The following NFASC variants were observed in gnomAD, a reference collection of about 807,000 sequenced individuals.
The protein encoded by NFASC is neurofascin.
In NFASC, 43 loss-of-function variants were observed where a neutral mutation model predicts 147.5. The observed-to-expected ratio is 0.29, with a 90% CI of 0.23 to 0.38. NFASC has a LOEUF of 0.38. NFASC is among the 10% of genes least tolerant of loss of function. NFASC has a pLI of 1.00. For synonymous variants in NFASC, 622 were observed against 665.5 expected (o/e 0.93, Z 1.01); for missense variants, 1,320 against 1,689.0 (o/e 0.78, Z 3.83).
chr1:204,974,477 G>C, intron 13 of NFASC, 180 bp from the exon 14 acceptor site: 1 of 851,554 alleles, frequency 1.2e-6, no homozygotes, highest in Non-Finnish European at 1.9e-6. Flanking sequence ...ACCTTGAGAG[G>C]GATGGAGGCT....
chr1:204,844,275 T>C lies in NFASC; in HGVS notation c.-200+15493T>C, dbSNP rs1292067671. On this transcript the variant is annotated intron_variant, in intron 1 of 29. Coordinates refer to ENST00000339876, the MANE Select transcript of NFASC (RefSeq NM_001005388.3). ...CATGGGTTGTTAGGATTAAAATAAG[T>C]AATGCACATGAACCCCTTTGCCTAG... 5.3e-4 allele frequency among the ~76,000 whole-genome samples: 81 copies of C among 152,160 alleles called. 2 individuals are homozygous for C. Among genetic ancestry groups the C allele is most frequent in the Non-Finnish European group, 4.4e-5 (3 of 68,028 alleles).
intron 29 of NFASC, among the ~76,000 whole-genome samples, chr1:205,013,137 T>G (rs1354314257): frequency 3.3e-5 from 5 of 152,244 alleles, no homozygotes; most frequent in Non-Finnish European, 7.3e-5. Context: ...ACGAACAGCA[T>G]TTCATTCATT....
chr1:204,983,888 T>G (rs1458738677), intron 21 of NFASC: 2 of 621,246 alleles, frequency 3.2e-6, no homozygotes, highest in Admixed American at 5.1e-5. Flanking sequence ...AAGTACTGTC[T>G]CATGGAGGAG....
chr1:204,988,696 C>T lies in NFASC; in HGVS notation c.2657C>T (p.Thr886Met), dbSNP rs201599625. 3.2e-5 allele frequency: 52 copies of T among 1,614,072 alleles called. 1 individual carries two copies. In the South Asian group the frequency reaches 4.4e-4, roughly 14 times the overall value. ...TTCTCTCCCAATCAGACCAAGTTCA[C>T]GGTGCAAAGAACGGACCCCGTGTCA... is the stretch of plus-strand genomic sequence containing the variant. The part of the protein sequence containing the change: ...ENFSPNQTKF[T>M]VQRTDPVSRY... Residue 886 changes from threonine to methionine, a missense_variant, in exon 23 of 30, where the codon ACG becomes ATG. By Grantham distance (81) the Thr-to-Met change is moderately conservative. Coordinates refer to ENST00000339876, the MANE Select transcript of NFASC (RefSeq NM_001005388.3).
intron 1 of NFASC, among the ~76,000 whole-genome samples, chr1:204,904,886 A>G (rs1278179019): frequency 6.7e-6 from 1 of 148,670 alleles, no homozygotes; most frequent in African/African-American, 2.5e-5. Context: ...CTATTCATCC[A>G]TCCACCCATC....
At chr1:204,903,793 G>A (rs770534319) in intron 1 of NFASC, among the ~76,000 whole-genome samples, 7 of 152,190 alleles carry the variant, frequency 4.6e-5, no homozygotes, top group Non-Finnish European at 1.0e-4. Context: ...AGCCAGTATG[G>A]TTTTTATTCC....
intron 23 of NFASC, among the ~76,000 whole-genome samples, chr1:204,991,034 G>A (rs2095718596): frequency 6.6e-6 from 1 of 152,202 alleles, no homozygotes; most frequent in African/African-American, 2.4e-5. Flanking sequence ...GAAACAGTGT[G>A]TTAGAAAGGT....
chr1:204,980,796 A>G (rs1264839144), intron 20 of NFASC, among the ~76,000 whole-genome samples: 9 of 152,168 alleles, frequency 5.9e-5, no homozygotes, highest in African/African-American at 1.7e-4. Flanking sequence ...CACAACACCA[A>G]ACCAAGTTCT....
chr1:204,871,162 C>T (rs1157268374), intron 1 of NFASC: 1 of 1,166,512 alleles, frequency 8.6e-7, no homozygotes, highest in Non-Finnish European at 1.1e-6. Flanking sequence ...GCGGTGTGTG[C>T]TAGGATTGTG....
At position 204,906,540 on chromosome 1, in the gene NFASC, A is replaced by G. The variant is rs1404980501; in HGVS notation, c.-199-14092A>G. ...GCGTGTATCAGTAGAACATTGCTTT[A>G]TATTGCTGTATAGTATTCCATTGTA... On this transcript the variant is annotated intron_variant, in intron 1 of 29. Coordinates refer to ENST00000339876, the MANE Select transcript of NFASC (RefSeq NM_001005388.3). Among the ~76,000 whole-genome samples the G allele has an allele frequency of 2.6e-5, 4 of 152,202 alleles. No homozygotes were observed. In the East Asian group the frequency reaches 7.7e-4, roughly 29 times the overall value.
chr1:204,991,161 C>T (rs535071393), intron 23 of NFASC, 131 bp from the exon 24 acceptor site: 7 of 1,067,070 alleles, frequency 6.6e-6, no homozygotes, highest in African/African-American at 4.7e-5. Flanking sequence ...CTGGCCACGC[C>T]GTCTGCATAA....
chr1:205,008,411 G>A (rs1202379196), intron 27 of NFASC: 1 of 152,818 alleles, frequency 6.5e-6, no homozygotes, highest in Non-Finnish European at 1.5e-5. Flanking sequence ...GGCTCCTGCT[G>A]TTGTGTGCCT....
intron 27 of NFASC, among the ~76,000 whole-genome samples, chr1:205,007,398 AAAGAG>A (rs1486680994): frequency 3.4e-5 from 5 of 149,248 alleles, no homozygotes; most frequent in Admixed American, 6.7e-5. Context: ...TCTGTCTCAG[AAAGAG>A]AAGAGAAGAG....
At chr1:204,910,100 TTTGTC>T (rs2086991781) in intron 1 of NFASC, among the ~76,000 whole-genome samples, 1 of 152,180 alleles carries the variant, frequency 6.6e-6, no homozygotes. Context: ...TTTAAAATAA[TTTGTC>T]TAGCTGTTAA....
At chr1:204,901,255 A>C (rs1458282519) in intron 1 of NFASC, among the ~76,000 whole-genome samples, 4 of 152,168 alleles carry the variant, frequency 2.6e-5, no homozygotes, top group Admixed American at 6.5e-5. Context: ...GGGAGTTTCC[A>C]GTATAGAGAT....
chr1:204,944,380 G>T lies in NFASC; in HGVS notation c.65G>T (p.Gly22Val). 6.2e-7 allele frequency: 1 copy of T among 1,608,200 alleles called. No homozygotes were observed. The highest frequency in any genetic ancestry group is 8.5e-7 in the Non-Finnish European group (1 of 1,177,112). The change falls in exon 3 of 30, where the codon GGC (glycine) becomes GTC (valine). Residue 22 changes from glycine (G) to valine (V), a missense_variant. Transcript: ENST00000339876. ...AAFLLCLLSL[G>V]GAIEIPMDPS... is the part of the protein sequence containing the mutation. ...TTCCTCCTCTGCCTCCTCAGTCTTGGCGGAGCCATCGAAATTCCTATGGAT... is the reference window on the plus strand; with the variant it reads ...TTCCTCCTCTGCCTCCTCAGTCTTGTCGGAGCCATCGAAATTCCTATGGAT...
chr1:205,021,683 G>A lies in NFASC; in HGVS notation c.*5144G>A, dbSNP rs1462857184. On this transcript the variant is annotated 3_prime_UTR_variant, in exon 30 of 30. Coordinates refer to ENST00000339876, the MANE Select transcript of NFASC (RefSeq NM_001005388.3). ...CCACAGCTGCCTCCTTTGAAACAGA[G>A]GTATTAAGATCTGTCCTTCTGGTTC... is the stretch of plus-strand genomic sequence containing the variant. 1 of 153,454 alleles carries A rather than the reference G, an allele frequency of 6.5e-6. No individual in the cohort carries two copies. The highest frequency in any genetic ancestry group is 1.9e-4 in the East Asian group (1 of 5,194). 9.5% of individuals were successfully genotyped at this position (153,454 alleles called of 1,614,324 possible). A position where few individuals can be genotyped will look rare whatever the true frequency, so the allele number is the denominator to read the frequency against.
chr1:204,977,696 C>G lies in NFASC; in HGVS notation c.1847C>G (p.Pro616Arg). ...ACCTTTGCAGCTGATCAGGCCACTCCAACTAACCGTTTGGCTGCCCTGCCC... is the reference window on the plus strand; with the variant it reads ...ACCTTTGCAGCTGATCAGGCCACTCGAACTAACCGTTTGGCTGCCCTGCCC... Reference protein sequence around the residue: ...YLTVLADQATPTNRLAALPKG... With the variant: ...YLTVLADQATRTNRLAALPKG... The change falls in exon 17 of 30, where the codon CCA (proline) becomes CGA (arginine). Residue 616 changes from proline (P) to arginine (R), a missense_variant. By Grantham distance (103) the Pro-to-Arg change is moderately radical. Around this residue, in one of 3 missense-constraint regions of NFASC, gnomAD observed 981 missense variants for 1,289.5 expected, o/e 0.76. Coordinates refer to ENST00000339876, the MANE Select transcript of NFASC (RefSeq NM_001005388.3). 1 of 1,611,094 alleles carries G rather than the reference C, an allele frequency of 6.2e-7. No homozygotes were observed. The highest frequency in any genetic ancestry group is 8.5e-7 in the Non-Finnish European group (1 of 1,177,546).
intron 1 of NFASC, among the ~76,000 whole-genome samples, chr1:204,869,531 A>G (rs1558524132): frequency 6.6e-6 from 1 of 152,086 alleles, no homozygotes; most frequent in African/African-American, 2.4e-5. Context: ...ATCATATTTC[A>G]TTGCTTATGA....
Sources: allele counts gnomAD v4.1 joint callset (sites outside exome capture counted in the v4.1 genomes callset), GRCh38; gene constraint gnomAD v4.1.1; regional missense constraint gnomAD v4.1.1; transcripts MANE v1.5; gene names NCBI Gene and HGNC (gene_info 2026-07-23, HGNC 2026-07-21).